The following DSCAML1 variants were observed in gnomAD, a reference collection of about 807,000 sequenced individuals.
DSCAML1 encodes the protein DS cell adhesion molecule like 1, also known as cell adhesion molecule DSCAML1.
Under a neutral mutation model 200.5 loss-of-function variants are expected in DSCAML1, and 38 were observed. The observed-to-expected ratio is 0.19, with a 90% CI of 0.15 to 0.25. DSCAML1 has a LOEUF of 0.25. Ranked by LOEUF, DSCAML1 falls within the 10% of genes least tolerant of loss-of-function variation. The pLI, the probability that DSCAML1 is intolerant of heterozygous loss-of-function variation, is 1.00. For synonymous variants in DSCAML1, 1,215 were observed against 1,165.0 expected, an observed-to-expected ratio of 1.04 and a Z score of -0.87; for missense variants, 2,223 against 2,858.8, an observed-to-expected ratio of 0.78 and a Z score of 5.07.
chr11:117,580,163 A>G (rs1565803709), intron 3 of DSCAML1, among the ~76,000 whole-genome samples: 1 of 152,234 alleles, frequency 6.6e-6, no homozygotes, highest in African/African-American at 2.4e-5. Context: ...GGCAGAGAGT[A>G]GGGAGGAAAT....
At chr11:117,713,242 A>G (rs570132143) in intron 3 of DSCAML1, among the ~76,000 whole-genome samples, 87 of 152,224 alleles carry the variant, frequency 5.7e-4, no homozygotes, top group Non-Finnish European at 1.0e-3. Context: ...CAGCCTCCCA[A>G]GTAGCTGGAA....
chr11:117,647,828 C>T (rs1300605373), intron 3 of DSCAML1, among the ~76,000 whole-genome samples: 1 of 152,194 alleles, frequency 6.6e-6, no homozygotes, highest in Non-Finnish European at 1.5e-5. Flanking sequence ...GACTTGTCCC[C>T]AGGGAACCCT....
intron 8 of DSCAML1, among the ~76,000 whole-genome samples, chr11:117,513,288 C>T (rs1017977907): frequency 1.3e-5 from 2 of 152,054 alleles, no homozygotes; most frequent in African/African-American, 4.8e-5. Context: ...TACGGCAAGG[C>T]CCCTGGGCTG....
At chr11:117,721,059 A>C (rs1478269291) in intron 3 of DSCAML1, among the ~76,000 whole-genome samples, 1 of 152,226 alleles carries the variant, frequency 6.6e-6, no homozygotes, top group Non-Finnish European at 1.5e-5. Flanking sequence ...GAAAACCAAG[A>C]TGCGGAGAGG....
chr11:117,428,324 G>C lies in DSCAML1; in HGVS notation c.*4C>G, dbSNP rs1365837683. On this transcript the variant is annotated 3_prime_UTR_variant, in exon 33 of 33. Coordinates refer to ENST00000651296, the MANE Select transcript of DSCAML1 (RefSeq NM_020693.4). ...TCCAGGCGTGGCTGCTCTTCCTGCG[G>C]GCCCTACACCAGGGTGTAGGATTTG... The C allele has an allele frequency of 1.3e-6, 2 of 1,485,446 alleles. No individual in the cohort carries two copies. Among genetic ancestry groups the C allele is most frequent in the Non-Finnish European group, 1.9e-6 (2 of 1,075,644 alleles). 92.0% of individuals were successfully genotyped at this position (1,485,446 alleles called of 1,614,324 possible).
chr11:117,615,217 TGAGAAAACG>T (rs570752316), intron 3 of DSCAML1, among the ~76,000 whole-genome samples: 97 of 152,172 alleles, frequency 6.4e-4, no homozygotes, highest in Non-Finnish European at 1.1e-3. Context: ...GAAGGTGAAA[TGAGAAAACG>T]GAGGTGACAA....
At position 117,439,809 on chromosome 11, in the gene DSCAML1, CG is replaced by C; in HGVS notation, c.3980+9del. The C allele has an allele frequency of 6.2e-7, 1 of 1,611,950 alleles. No individual in the cohort carries two copies. Among genetic ancestry groups the C allele is most frequent in the Non-Finnish European group, 8.5e-7 (1 of 1,178,120 alleles). The stretch of plus-strand genomic sequence containing the variant: ...GGGCCACCCCATCCCTCCACTGTCC[CG>C]ACACACACCTGTCCTTGGTCCACTT... On this transcript the variant is annotated intron_variant, in intron 22 of 32. Transcript: ENST00000651296.
chr11:117,588,899 G>A (rs1019208556), intron 3 of DSCAML1, among the ~76,000 whole-genome samples: 3 of 152,096 alleles, frequency 2.0e-5, no homozygotes, highest in African/African-American at 7.2e-5. Flanking sequence ...TGACAAGAAG[G>A]AGCATCAGTC....
chr11:117,615,131 G>T (rs1238739000), intron 3 of DSCAML1, among the ~76,000 whole-genome samples: 2 of 152,216 alleles, frequency 1.3e-5, no homozygotes, highest in Non-Finnish European at 2.9e-5. Flanking sequence ...CCCTGGGAGG[G>T]CCAGTTGAGT....
intron 3 of DSCAML1, chr11:117,668,904 G>A (rs2053039018): frequency 6.6e-6 from 1 of 152,234 alleles, no homozygotes; most frequent in Non-Finnish European, 1.5e-5. Context: ...AGTGATAGAA[G>A]GCGGGTACTT....
chr11:117,607,201 G>A (rs972820459), intron 3 of DSCAML1, among the ~76,000 whole-genome samples: 1 of 152,184 alleles, frequency 6.6e-6, no homozygotes, highest in Non-Finnish European at 1.5e-5. Flanking sequence ...CTTGTCTCCT[G>A]ACACCAACAC....
At chr11:117,712,786 C>G (rs2053873440) in intron 3 of DSCAML1, among the ~76,000 whole-genome samples, 2 of 152,010 alleles carry the variant, frequency 1.3e-5, no homozygotes, top group South Asian at 4.2e-4. Flanking sequence ...TTCTCGCCAG[C>G]TCCACACTCT....
At position 117,461,460 on chromosome 11, in the gene DSCAML1, A is replaced by G; in HGVS notation, c.3402T>C (p.Tyr1134=). The G allele has an allele frequency of 1.9e-6, 3 of 1,614,116 alleles. No individual in the cohort carries two copies. The highest frequency in any genetic ancestry group is 1.7e-5 in the Admixed American group (1 of 60,026). ...KGYRVIFWSL[Y]VDGEWGEMQN... is the part of the protein sequence containing the mutation. The stretch of plus-strand genomic sequence containing the variant: ...TCCCAGCAGACTCACCCCCATCAAC[A>G]TAGAGGGACCAGAAGATGACCCGAT... The change falls in exon 18 of 33, where the codon TAT becomes TAC. Residue 1134 remains tyrosine, a synonymous_variant. Transcript: ENST00000651296.
At position 117,480,310 on chromosome 11, in the gene DSCAML1, T is replaced by G; in HGVS notation, c.2785+133A>C. The G allele has an allele frequency of 7.4e-7, 1 of 1,357,728 alleles. No homozygotes were observed. The highest frequency in any genetic ancestry group is 1.0e-6 in the Non-Finnish European group (1 of 994,306). 84.1% of individuals were successfully genotyped at this position (1,357,728 alleles called of 1,614,324 possible). Reference sequence around the variant, plus strand: ...GAAGCCACAGCTGCTTGTGCACTGGTGGGTGCTTGTGTGTCTAGCTTGGAT... The same window carrying G: ...GAAGCCACAGCTGCTTGTGCACTGGGGGGTGCTTGTGTGTCTAGCTTGGAT... On this transcript the variant is annotated intron_variant, in intron 14 of 32. Coordinates refer to ENST00000651296, the MANE Select transcript of DSCAML1 (RefSeq NM_020693.4). The surrounding 1 kb of genome is among the most constrained non-coding windows in gnomAD (Gnocchi z 4.1).
At chr11:117,686,505 G>T (rs764625069) in intron 3 of DSCAML1, among the ~76,000 whole-genome samples, 6 of 152,218 alleles carry the variant, frequency 3.9e-5, no homozygotes, top group Admixed American at 6.5e-5. Flanking sequence ...AGCCTCCCCA[G>T]CCCTGGTCCC....
intron 3 of DSCAML1, among the ~76,000 whole-genome samples, chr11:117,758,386 C>A (rs1239190777): frequency 6.6e-6 from 1 of 150,998 alleles, no homozygotes; most frequent in Non-Finnish European, 1.5e-5. Context: ...TTGCAGTTGG[C>A]AGAACTGTTT....
chr11:117,472,022 T>C lies in DSCAML1; in HGVS notation c.2800A>G (p.Lys934Glu). The stretch of plus-strand genomic sequence containing the variant: ...GGGGAGATGTTGCGTGTGGACTGCT[T>C]GAAGTCCCAGGAATCTGGAGAGAAG... ...YKNKSDSWDFKQSTRNISPTI... is the reference protein window; with the variant it reads ...YKNKSDSWDFEQSTRNISPTI... Residue 934 changes from lysine to glutamate, a missense_variant, in exon 15 of 33, where the codon AAG becomes GAG. By Grantham distance (56) the Lys-to-Glu change is moderately conservative. Around this residue, in one of 7 missense-constraint regions of DSCAML1, gnomAD observed 438 missense variants for 629.7 expected, o/e 0.70. Transcript: ENST00000651296. The C allele has an allele frequency of 6.2e-7, 1 of 1,613,944 alleles. No individual in the cohort carries two copies. Among genetic ancestry groups the C allele is most frequent in the Non-Finnish European group, 8.5e-7 (1 of 1,179,968 alleles).
chr11:117,737,739 C>T (rs932893647), intron 3 of DSCAML1, among the ~76,000 whole-genome samples: 2 of 152,216 alleles, frequency 1.3e-5, no homozygotes, highest in African/African-American at 4.8e-5. Context: ...GAAGCCTTCA[C>T]TGAGGAGATA....
At chr11:117,659,867 C>T (rs763619268) in intron 3 of DSCAML1, among the ~76,000 whole-genome samples, 18 of 148,956 alleles carry the variant, frequency 1.2e-4, no homozygotes, top group African/African-American at 4.0e-4. Flanking sequence ...TACAGGTATG[C>T]GCTACCAGGC....
Sources: allele counts gnomAD v4.1 joint callset (sites outside exome capture counted in the v4.1 genomes callset), GRCh38; gene constraint gnomAD v4.1.1; regional missense constraint gnomAD v4.1.1; non-coding constraint Gnocchi (gnomAD v3.1); transcripts MANE v1.5; gene names NCBI Gene and HGNC (gene_info 2026-07-23, HGNC 2026-07-21).